FRMPD4: variants seen among roughly 807,000 people sequenced by gnomAD.
The protein encoded by FRMPD4 is FERM and PDZ domain-containing protein 4.
FRMPD4 carries 22 observed loss-of-function variants against 94.1 expected under a neutral mutation model. The observed-to-expected ratio is 0.23, with a 90% CI of 0.17 to 0.33. The LOEUF (loss-of-function observed/expected upper bound fraction) is 0.33. FRMPD4 is among the 10% of genes least tolerant of loss of function. FRMPD4 has a pLI of 1.00. For synonymous variants in FRMPD4, 631 were observed against 548.6 expected (o/e 1.15, Z -2.10); for missense variants, 1,111 against 1,339.9 (o/e 0.83, Z 2.67).
intron 3 of FRMPD4, among the ~76,000 whole-genome samples, chrX:12,611,130 T>G (rs2059179032): frequency 8.9e-6 from 1 of 112,770 alleles, no homozygotes; most frequent in South Asian, 3.7e-4. Flanking sequence ...CAGTGGACTA[T>G]GATGCAATCG....
chrX:12,297,215 G>A (rs1481883858), intron 1 of FRMPD4, among the ~76,000 whole-genome samples: 1 of 112,800 alleles, frequency 8.9e-6, no homozygotes, highest in Non-Finnish European at 1.9e-5. Flanking sequence ...AACTACTGCA[G>A]CACTAAGCAC....
intron 1 of FRMPD4, among the ~76,000 whole-genome samples, chrX:12,143,197 T>C (rs894936840): frequency 2.7e-5 from 3 of 112,454 alleles, no homozygotes; most frequent in African/African-American, 9.7e-5. Flanking sequence ...TCTTGAAAGC[T>C]AATCATAGCA....
chrX:12,340,528 T>A (rs939633768), intron 1 of FRMPD4, among the ~76,000 whole-genome samples: 2 of 111,343 alleles, frequency 1.8e-5, no homozygotes, highest in African/African-American at 6.5e-5. Context: ...TTCTGAAGGA[T>A]CTCTGAAAAC....
At chrX:11,903,914 G>A (rs773722752) in intron 3 of FRMPD4, among the ~76,000 whole-genome samples, 216 of 110,990 alleles carry the variant, frequency 1.9e-3, no homozygotes, top group Non-Finnish European at 3.3e-3. Context: ...AGAGTAGCTG[G>A]GACTACAGGC....
At chrX:11,931,231 G>A (rs1469207015) in intron 3 of FRMPD4, among the ~76,000 whole-genome samples, 3 of 111,843 alleles carry the variant, frequency 2.7e-5, no homozygotes, top group Non-Finnish European at 5.6e-5. Context: ...TTCCATTGAG[G>A]CTTATTTAGT....
intron 1 of FRMPD4, among the ~76,000 whole-genome samples, chrX:12,279,288 G>A (rs1469376623): frequency 2.7e-5 from 3 of 111,622 alleles, no homozygotes; most frequent in Non-Finnish European, 5.7e-5. Flanking sequence ...ACAGTACCCA[G>A]GGATGGGCCT....
intron 1 of FRMPD4, among the ~76,000 whole-genome samples, chrX:12,404,193 T>C (rs1010078461): frequency 8.9e-6 from 1 of 111,966 alleles, no homozygotes; most frequent in Non-Finnish European, 1.9e-5. Flanking sequence ...CTTCAGACTT[T>C]CTTTTTTACA....
At chrX:12,074,344 G>A (rs749677251) in intron 3 of FRMPD4, among the ~76,000 whole-genome samples, 1 of 111,031 alleles carries the variant, frequency 9.0e-6, no homozygotes, top group South Asian at 3.9e-4. Flanking sequence ...TTTCCCTCCA[G>A]CCCTCATCTC....
chrX:12,427,215 C>T (rs2056955862), intron 1 of FRMPD4, among the ~76,000 whole-genome samples: 1 of 111,822 alleles, frequency 8.9e-6, no homozygotes, highest in South Asian at 3.7e-4. Flanking sequence ...TTTATCACCG[C>T]ATATTTAAGA....
chrX:12,126,202 GCT>G (rs2055498303), intron 3 of FRMPD4, among the ~76,000 whole-genome samples: 2 of 112,236 alleles, frequency 1.8e-5, no homozygotes, highest in Non-Finnish European at 3.8e-5. Flanking sequence ...CTTAGCCACA[GCT>G]TGTCACTAGC....
At chrX:11,947,118 C>T (rs760389903) in intron 3 of FRMPD4, among the ~76,000 whole-genome samples, 1 of 111,651 alleles carries the variant, frequency 9.0e-6, no homozygotes, top group East Asian at 2.8e-4. Flanking sequence ...AGTCCCCCAC[C>T]CCTGCCACAA....
In FRMPD4 at chrX:12,068,851, G is replaced by T. The variant is rs932987992; in HGVS notation, c.95+190833G>T. Among the ~76,000 whole-genome samples, 4 of 112,305 alleles carry T rather than the reference G, an allele frequency of 3.6e-5. No individual in the cohort carries two copies. In the East Asian group the frequency reaches 1.1e-3, roughly 31 times the overall value. On this transcript the variant is annotated intron_variant, in intron 3 of 18. Transcript: ENST00000640291. ...AATGTTTAGTGAATATTTGTTGAGT[G>T]TCTACCATATGTCAGACTAAATTCT...
At chrX:12,576,474 A>G (rs1232499474) in intron 2 of FRMPD4, among the ~76,000 whole-genome samples, 1 of 112,786 alleles carries the variant, frequency 8.9e-6, no homozygotes, top group East Asian at 2.8e-4. Context: ...TATTTATACC[A>G]TACCACATCC....
intron 2 of FRMPD4, among the ~76,000 whole-genome samples, chrX:12,539,977 T>C (rs1026743477): frequency 1.8e-5 from 2 of 111,760 alleles, no homozygotes; most frequent in Non-Finnish European, 3.8e-5. Context: ...GAATTTCATA[T>C]CCAGCCAAAC....
intron 2 of FRMPD4, among the ~76,000 whole-genome samples, chrX:12,607,008 C>T (rs1007257569): frequency 3.6e-5 from 4 of 111,416 alleles, no homozygotes; most frequent in Non-Finnish European, 7.5e-5. Flanking sequence ...GTCAAGTTCC[C>T]ACCCATTGGG....
chrX:12,316,108 A>G (rs2055110002), intron 1 of FRMPD4, among the ~76,000 whole-genome samples: 1 of 111,812 alleles, frequency 8.9e-6, no homozygotes, highest in Non-Finnish European at 1.9e-5. Context: ...TATTTACTAA[A>G]CTGGGTGAAT....
intron 3 of FRMPD4, among the ~76,000 whole-genome samples, chrX:12,116,745 C>T (rs752706160): frequency 4.6e-4 from 52 of 111,989 alleles, no homozygotes; most frequent in South Asian, 7.5e-4. Flanking sequence ...CAAGCCCTCA[C>T]TGATGCCATG....
At chrX:11,841,979 T>G (rs1490495616) in intron 1 of FRMPD4, among the ~76,000 whole-genome samples, 6 of 111,536 alleles carry the variant, frequency 5.4e-5, no homozygotes, top group African/African-American at 2.0e-4. Context: ...TAGCCAGTTT[T>G]CCCAGCACCA....
At chrX:12,471,883 C>T (rs981547631) in intron 1 of FRMPD4, among the ~76,000 whole-genome samples, 1 of 111,949 alleles carries the variant, frequency 8.9e-6, no homozygotes, top group Non-Finnish European at 1.9e-5. Flanking sequence ...AGAAAGTTCA[C>T]TCTGTTCACC....
Sources: gnomAD v4.1 joint callset for allele counts (sites outside exome capture counted in the v4.1 genomes callset) on GRCh38, gnomAD v4.1.1 for gene constraint, MANE v1.5 for transcripts, NCBI Gene and HGNC (gene_info 2026-07-23, HGNC 2026-07-21) for gene names.